Variants in PRDM16 observed in about 807,000 individuals in gnomAD.
The protein encoded by PRDM16 is histone-lysine N-methyltransferase PRDM16.
A neutral mutation model predicts 110.6 loss-of-function variants in PRDM16; 23 were observed. The observed-to-expected ratio is 0.21, with a 90% CI of 0.15 to 0.29. PRDM16 has a LOEUF of 0.29. PRDM16 is among the 10% of genes least tolerant of loss of function. The pLI is 1.00. For synonymous variants in PRDM16, 799 were observed against 781.8 expected (o/e 1.02, Z -0.37); for missense variants, 1,615 against 1,794.3 (o/e 0.90, Z 1.81).
At chr1:3,170,935 G>A (rs1351661738) in intron 1 of PRDM16, among the ~76,000 whole-genome samples, 3 of 152,248 alleles carry the variant, frequency 2.0e-5, no homozygotes, top group African/African-American at 4.8e-5. Flanking sequence ...CCCAGAGCTC[G>A]GGCTGATGGC....
chr1:3,120,192 A>T lies in PRDM16; in HGVS notation c.37+50896A>T, dbSNP rs1421135654. On this transcript the variant is annotated intron_variant, in intron 1 of 16. Transcript: ENST00000270722. ...TTCGCAGCTTGAAATCCAAGTAATT[A>T]AGGCGATGGATTAAATCTGTGGGAA... is the stretch of plus-strand genomic sequence containing the variant. Among the ~76,000 whole-genome samples, 3 of 152,218 alleles carry T rather than the reference A, an allele frequency of 2.0e-5. No homozygotes were observed. In the East Asian group the frequency reaches 5.8e-4, roughly 29 times the overall value.
intron 2 of PRDM16, among the ~76,000 whole-genome samples, chr1:3,199,106 G>T (rs577971909): frequency 6.6e-6 from 1 of 152,302 alleles, no homozygotes; most frequent in Admixed American, 6.5e-5. Flanking sequence ...CTCAGCGGAG[G>T]CTGGAGAGAG....
chr1:3,214,938 T>A (rs1490061725), intron 2 of PRDM16, among the ~76,000 whole-genome samples: 2 of 152,088 alleles, frequency 1.3e-5, no homozygotes, highest in African/African-American at 4.8e-5. Context: ...CTGGGCATCG[T>A]CCCCCAAACC....
At chr1:3,115,262 A>C (rs1642929892) in intron 1 of PRDM16, among the ~76,000 whole-genome samples, 2 of 152,236 alleles carry the variant, frequency 1.3e-5, no homozygotes, top group African/African-American at 4.8e-5. Flanking sequence ...TTCAGACCCC[A>C]GCCAGCCCCA....
chr1:3,248,885 C>T (rs969538908), intron 3 of PRDM16, among the ~76,000 whole-genome samples: 1 of 152,326 alleles, frequency 6.6e-6, no homozygotes, highest in African/African-American at 2.4e-5. Context: ...CCAGAGGTTT[C>T]CTGGGTCCCT....
chr1:3,334,291 C>T (rs1296175577), intron 3 of PRDM16, among the ~76,000 whole-genome samples: 3 of 152,154 alleles, frequency 2.0e-5, no homozygotes, highest in African/African-American at 7.2e-5. Flanking sequence ...CAGGGATTGC[C>T]GGGGTTGGAT....
intron 1 of PRDM16, among the ~76,000 whole-genome samples, chr1:3,097,225 T>C (rs1287516580): frequency 1.3e-5 from 2 of 150,266 alleles, no homozygotes; most frequent in Non-Finnish European, 3.0e-5. Flanking sequence ...TGTACAAAAG[T>C]TTTGGTCTCT....
At chr1:3,403,866 C>A (rs1643514762) in intron 6 of PRDM16, among the ~76,000 whole-genome samples, 1 of 152,220 alleles carries the variant, frequency 6.6e-6, no homozygotes, top group Non-Finnish European at 1.5e-5. Flanking sequence ...CTGGGGATTA[C>A]CGCCCATCCC....
chr1:3,070,406 A>G (rs2100498440), intron 1 of PRDM16, among the ~76,000 whole-genome samples: 1 of 147,612 alleles, frequency 6.8e-6, no homozygotes, highest in Middle Eastern at 3.4e-3. Flanking sequence ...GCAGGTGAGG[A>G]CAGGCGGAGC....
At chr1:3,090,128 C>T (rs535852540) in intron 1 of PRDM16, among the ~76,000 whole-genome samples, 6 of 152,346 alleles carry the variant, frequency 3.9e-5, no homozygotes, top group South Asian at 2.1e-4. Flanking sequence ...TGTGCTCATT[C>T]GTGACATGGG....
chr1:3,220,530 G>A (rs568541915), intron 2 of PRDM16, among the ~76,000 whole-genome samples: 2 of 152,296 alleles, frequency 1.3e-5, no homozygotes, highest in Admixed American at 6.5e-5. Context: ...AGGAGCAGCC[G>A]GCCCACCTGG....
At chr1:3,128,323 G>A (rs995794915) in intron 1 of PRDM16, among the ~76,000 whole-genome samples, 7 of 152,190 alleles carry the variant, frequency 4.6e-5, no homozygotes, top group Admixed American at 2.0e-4. Flanking sequence ...GTCTGGGGTC[G>A]TCAGATCAAC....
At position 3,290,118 on chromosome 1, in the gene PRDM16, G is replaced by A. The variant is rs1034470943; in HGVS notation, c.438+45981G>A. ...CTGAATGAAAACTCACAGAGTGCAT[G>A]TGTCATGCTGATGTGACAAACCCGG... is the stretch of plus-strand genomic sequence containing the variant. On this transcript the variant is annotated intron_variant, in intron 3 of 16. Transcript: ENST00000270722. The surrounding 1 kb of genome is among the most constrained non-coding windows in gnomAD (Gnocchi z 4.8). Among the ~76,000 whole-genome samples the A allele has an allele frequency of 5.3e-5, 8 of 152,346 alleles. No individual in the cohort carries two copies. The highest frequency in any genetic ancestry group is 2.0e-4 in the Admixed American group (3 of 15,312).
chr1:3,262,131 C>A (rs927931659), intron 3 of PRDM16, among the ~76,000 whole-genome samples: 3 of 152,224 alleles, frequency 2.0e-5, no homozygotes, highest in Non-Finnish European at 4.4e-5. Context: ...AAATTGGGCA[C>A]AGAGAGGTTC....
chr1:3,226,314 G>T (rs1335395831), intron 2 of PRDM16, among the ~76,000 whole-genome samples: 1 of 152,214 alleles, frequency 6.6e-6, no homozygotes, highest in Non-Finnish European at 1.5e-5. Flanking sequence ...TTGTGGTGGG[G>T]TCATTCAGAC....
At chr1:3,418,794 C>T in intron 12 of PRDM16, 50 bp downstream of exon 12, 1 of 1,365,704 alleles carries the variant, frequency 7.3e-7, no homozygotes, top group Non-Finnish European at 1.0e-6. Flanking sequence ...TGCCTCCGTG[C>T]ACCGCTGACC....
intron 3 of PRDM16, among the ~76,000 whole-genome samples, chr1:3,248,589 A>T (rs1418873030): frequency 6.6e-6 from 1 of 152,196 alleles, no homozygotes; most frequent in African/African-American, 2.4e-5. Flanking sequence ...GGCTTAGAGG[A>T]GGGTCAAAAA....
In PRDM16 at chr1:3,411,623, C is replaced by T. The variant is rs188908415; in HGVS notation, c.1426C>T (p.Pro476Ser). The T allele has an allele frequency of 2.3e-4, 368 of 1,613,962 alleles. 2 individuals are homozygous for T. The African/African-American group carries it at 4.6e-3, about 20-fold the overall frequency. Residue 476 changes from proline to serine, a missense_variant, in exon 9 of 17, where the codon CCC (proline) becomes TCC (serine). Pro to Ser is a moderately conservative substitution (Grantham distance 74, BLOSUM62 -1). Coordinates refer to ENST00000270722, the MANE Select transcript of PRDM16 (RefSeq NM_022114.4). ...CATGATGGACAAGGCAAAACCCTCC[C>T]CCAGCCTCAATCACGCCAGCCTGGG... ...SPMMDKAKPSPSLNHASLGFN... is the reference protein window; with the variant it reads ...SPMMDKAKPSSSLNHASLGFN...
intron 3 of PRDM16, among the ~76,000 whole-genome samples, chr1:3,323,540 G>A (rs937099199): frequency 2.6e-5 from 4 of 152,224 alleles, no homozygotes; most frequent in African/African-American, 9.6e-5. Flanking sequence ...GGAGGGAGGA[G>A]GAAGTCCGTG....
Sources: gnomAD v4.1 joint callset for allele counts (sites outside exome capture counted in the v4.1 genomes callset) on GRCh38, gnomAD v4.1.1 for gene constraint, Gnocchi (gnomAD v3.1) non-coding constraint, MANE v1.5 for transcripts, NCBI Gene and HGNC (gene_info 2026-07-23, HGNC 2026-07-21) for gene names.